PTPRD: variants seen among roughly 807,000 people sequenced by gnomAD.
PTPRD encodes receptor-type tyrosine-protein phosphatase delta.
PTPRD carries 34 observed loss-of-function variants against 214.5 expected under a neutral mutation model. The ratio of observed to expected loss-of-function variants is 0.16; its 90% CI spans 0.12 to 0.21. The LOEUF (loss-of-function observed/expected upper bound fraction) is 0.21. Among genes scored for constraint, PTPRD ranks in the 10% least tolerant of loss-of-function variants. PTPRD has a pLI of 1.00. For missense variants in PTPRD, 2,545 were observed against 2,398.7 expected (o/e 1.06, Z -1.27); for synonymous variants, 1,128 against 845.7 (o/e 1.33, Z -5.79).
At chr9:10,389,375 T>C (rs2098005638) in intron 2 of PTPRD, among the ~76,000 whole-genome samples, 1 of 151,872 alleles carries the variant, frequency 6.6e-6, no homozygotes, top group Non-Finnish European at 1.5e-5. Flanking sequence ...GCTATTTTAA[T>C]ATAACATTAC....
intron 9 of PTPRD, among the ~76,000 whole-genome samples, chr9:9,344,652 G>A (rs1201561569): frequency 6.6e-6 from 1 of 151,922 alleles, no homozygotes; most frequent in Non-Finnish European, 1.5e-5. Context: ...CAATGTTTCT[G>A]TATTCTGAAA....
intron 11 of PTPRD, among the ~76,000 whole-genome samples, chr9:8,859,217 G>A (rs541357068): frequency 6.6e-6 from 1 of 152,300 alleles, no homozygotes; most frequent in South Asian, 2.1e-4. Flanking sequence ...CTTTTATGTT[G>A]TTGGAAATGC....
intron 4 of PTPRD, among the ~76,000 whole-genome samples, chr9:9,964,888 A>G (rs2094580863): frequency 6.6e-6 from 1 of 152,172 alleles, no homozygotes; most frequent in Non-Finnish European, 1.5e-5. Flanking sequence ...TAACTAAACT[A>G]ATTTTTCATT....
At chr9:8,758,105 G>C (rs2094147501) in intron 11 of PTPRD, among the ~76,000 whole-genome samples, 1 of 152,146 alleles carries the variant, frequency 6.6e-6, no homozygotes, top group South Asian at 2.1e-4. Context: ...ATCAAAATCA[G>C]TGAGCCACAA....
chr9:10,183,052 TAATAAG>T (rs1297354484), intron 3 of PTPRD, among the ~76,000 whole-genome samples: 7 of 152,172 alleles, frequency 4.6e-5, no homozygotes, highest in Non-Finnish European at 1.0e-4. Flanking sequence ...ATAATGATTT[TAATAAG>T]AATAAGAATA....
intron 2 of PTPRD, among the ~76,000 whole-genome samples, chr9:10,473,315 A>T (rs899327734): frequency 1.3e-5 from 2 of 152,102 alleles, no homozygotes; most frequent in Non-Finnish European, 2.9e-5. Context: ...CATACCAAAA[A>T]GCACATCTTC....
chr9:8,353,089 G>A (rs60965360), intron 39 of PTPRD, among the ~76,000 whole-genome samples: 20,871 of 152,084 alleles, frequency 0.14, 2,116 homozygotes, highest in East Asian at 0.34. Flanking sequence ...CCAGCCTGGC[G>A]ACAGAACAAG....
chr9:8,399,820 A>C (rs2129959193), intron 36 of PTPRD, among the ~76,000 whole-genome samples: 1 of 152,324 alleles, frequency 6.6e-6, no homozygotes, highest in African/African-American at 2.4e-5. Flanking sequence ...TAATGGGAAG[A>C]ACAGCTGCCT....
chr9:10,504,617 G>A (rs1012111299), intron 2 of PTPRD, among the ~76,000 whole-genome samples: 4 of 152,044 alleles, frequency 2.6e-5, no homozygotes, highest in East Asian at 1.9e-4. Context: ...CAACTCTTCC[G>A]AATTCGTCAA....
chr9:9,451,605 G>C (rs1385446687), intron 8 of PTPRD, among the ~76,000 whole-genome samples: 1 of 151,570 alleles, frequency 6.6e-6, no homozygotes, highest in Non-Finnish European at 1.5e-5. Context: ...AAGTTGGTAT[G>C]AATGAGAGAA....
chr9:9,349,934 C>G (rs1181395391), intron 9 of PTPRD, among the ~76,000 whole-genome samples: 1 of 152,068 alleles, frequency 6.6e-6, no homozygotes, highest in Non-Finnish European at 1.5e-5. Context: ...ATTTAACTTT[C>G]AGAGTAGAGG....
rs536044190 is a variant in PTPRD at position 9,360,601 on chromosome 9, T to G, written c.-203+36848A>C. On this transcript the variant is annotated intron_variant, in intron 9 of 45. Transcript: ENST00000381196. Reference sequence around the variant, plus strand: ...AATGAGAAAAATACAAGATGTGAATTAAGTATAAAGAAATAAAGTTATTTA... The same window carrying G: ...AATGAGAAAAATACAAGATGTGAATGAAGTATAAAGAAATAAAGTTATTTA... Among the ~76,000 whole-genome samples, 13 of 151,188 alleles carry G rather than the reference T, an allele frequency of 8.6e-5. No homozygotes were observed. The South Asian group carries it at 2.7e-3, about 31-fold the overall frequency.
At chr9:9,147,438 C>T (rs1251256398) in intron 10 of PTPRD, among the ~76,000 whole-genome samples, 1 of 151,912 alleles carries the variant, frequency 6.6e-6, no homozygotes, top group African/African-American at 2.4e-5. Context: ...ACTACTGAAG[C>T]TTCTACTTAT....
At chr9:8,330,987 G>C (rs1909763) in intron 44 of PTPRD, among the ~76,000 whole-genome samples, 27,727 of 151,944 alleles carry the variant, frequency 0.18, 5,628 homozygotes, top group African/African-American at 0.51. Context: ...GTGAATGTCT[G>C]AACTATTTAC....
At chr9:10,523,601 G>GTGTATATATATATATATATA (rs1459526758) in intron 2 of PTPRD, among the ~76,000 whole-genome samples, 3 of 64,334 alleles carry the variant, frequency 4.7e-5, no homozygotes, top group East Asian at 5.7e-4. Flanking sequence ...ATATTTATCT[G>GTGTATATATATATATATATA]TATATATATA....
intron 7 of PTPRD, among the ~76,000 whole-genome samples, chr9:9,619,619 A>G (rs1425677081): frequency 1.4e-5 from 2 of 145,898 alleles, no homozygotes; most frequent in Non-Finnish European, 3.0e-5. Flanking sequence ...ATATCTATAT[A>G]TAATAATCTA....
chr9:8,401,358 T>A (rs1215900508), intron 36 of PTPRD, among the ~76,000 whole-genome samples: 1 of 152,094 alleles, frequency 6.6e-6, no homozygotes, highest in African/African-American at 2.4e-5. Flanking sequence ...TTATCTTAAC[T>A]CATTACAATA....
intron 9 of PTPRD, among the ~76,000 whole-genome samples, chr9:9,337,174 G>T (rs2044856078): frequency 6.6e-6 from 1 of 152,122 alleles, no homozygotes; most frequent in Non-Finnish European, 1.5e-5. Context: ...AAGTAAATCA[G>T]AGATTGGGAC....
At position 8,330,103 on chromosome 9, in the gene PTPRD, T is replaced by C. The variant is rs913777361; in HGVS notation, c.5534+1479A>G. Among the ~76,000 whole-genome samples the C allele has an allele frequency of 9.9e-5, 15 of 152,256 alleles. 1 individual carries two copies. In the South Asian group the frequency reaches 2.3e-3, roughly 23 times the overall value. ...GTACTGTTCCTCGTGGTACAGTCTC[T>C]CACGGCTTCCCTTGGCTAGGAAAGG... On this transcript the variant is annotated intron_variant, in intron 44 of 45. Coordinates refer to ENST00000381196, the MANE Select transcript of PTPRD (RefSeq NM_002839.4).
Sources: allele counts gnomAD v4.1 joint callset (sites outside exome capture counted in the v4.1 genomes callset), GRCh38; gene constraint gnomAD v4.1.1; transcripts MANE v1.5; gene names NCBI Gene and HGNC (gene_info 2026-07-23, HGNC 2026-07-21).